The following ENPP2 variants were observed in gnomAD, a reference collection of about 807,000 sequenced individuals.
ENPP2 encodes autotaxin.
A neutral mutation model predicts 120.2 loss-of-function variants in ENPP2; 51 were observed. That is an observed-to-expected ratio of 0.42 (90% confidence interval 0.34 to 0.54). ENPP2 has a LOEUF of 0.54. ENPP2 is among the 20% of genes least tolerant of loss of function. The pLI, the probability that ENPP2 is intolerant of heterozygous loss-of-function variation, is 0.04. For missense variants in ENPP2, 920 were observed against 1,066.5 expected, an observed-to-expected ratio of 0.86 and a Z score of 1.91; for synonymous variants, 365 against 366.4, an observed-to-expected ratio of 1.00 and a Z score of 0.04.
intron 5 of ENPP2, chr8:119,618,247 G>C: frequency 2.0e-6 from 1 of 489,256 alleles, no homozygotes. Flanking sequence ...TTGTTCCGGG[G>C]ATGTGCTTCT....
At chr8:119,669,731 A>G (rs1276718384) in intron 1 of ENPP2, among the ~76,000 whole-genome samples, 3 of 152,196 alleles carry the variant, frequency 2.0e-5, no homozygotes, top group Non-Finnish European at 2.9e-5. Flanking sequence ...TATGTGGTGT[A>G]TCCTGCATTT....
Position 119,568,183 on chromosome 8 carries a change from G to A in ENPP2, c.2123C>T (p.Ala708Val). ...LVTNMVPMYP[A>V]FKRVWNYFQR... ...GTAAATATTGGACTTACGTTTGAAA[G>A]CAGGATACATTGGAACCATATTGGT... is the stretch of plus-strand genomic sequence containing the variant. Residue 708 changes from alanine to valine, a missense_variant, in exon 22 of 25, where the codon GCT becomes GTT. Coordinates refer to ENST00000075322, the MANE Select transcript of ENPP2 (RefSeq NM_001040092.3). 1 of 1,559,164 alleles carries A rather than the reference G, an allele frequency of 6.4e-7. No individual in the cohort carries two copies. The highest frequency in any genetic ancestry group is 8.8e-7 in the Non-Finnish European group (1 of 1,130,928).
chr8:119,670,464 C>T (rs1818208137), intron 1 of ENPP2, among the ~76,000 whole-genome samples: 1 of 152,176 alleles, frequency 6.6e-6, no homozygotes, highest in South Asian at 2.1e-4. Flanking sequence ...CATTGAGCAT[C>T]CCACCTGGGT....
chr8:119,662,046 G>A (rs756903300), intron 1 of ENPP2, among the ~76,000 whole-genome samples: 4 of 152,116 alleles, frequency 2.6e-5, no homozygotes, highest in African/African-American at 4.8e-5. Context: ...GATGGTCAAA[G>A]GGTACAAAGT....
At chr8:119,646,021 C>T (rs887966527) in intron 1 of ENPP2, among the ~76,000 whole-genome samples, 3 of 151,180 alleles carry the variant, frequency 2.0e-5, no homozygotes, top group African/African-American at 7.3e-5. Context: ...CAGGCTGGAG[C>T]GCAATGGCAC....
rs1340875512 is a variant in ENPP2 at position 119,583,878 on chromosome 8, G to A, written c.1456-74C>T. ...AACCCTTCCTCTATTTATGAATACT[G>A]TACAACTTCACTCACACCACCATTA... is the stretch of plus-strand genomic sequence containing the variant. On this transcript the variant is annotated intron_variant, in intron 16 of 24. Transcript: ENST00000075322. The A allele has an allele frequency of 3.7e-6, 5 of 1,367,006 alleles. No individual in the cohort carries two copies. The African/African-American group carries it at 7.2e-5, about 20-fold the overall frequency. 84.7% of individuals were successfully genotyped at this position (1,367,006 alleles called of 1,614,324 possible).
At position 119,583,822 on chromosome 8, in the gene ENPP2, A is replaced by C. The variant is rs779201526; in HGVS notation, c.1456-18T>G. On this transcript the variant is annotated intron_variant, in intron 16 of 24. Coordinates refer to ENST00000075322, the MANE Select transcript of ENPP2 (RefSeq NM_001040092.3). ...AAAACAGTCTTCCAAAAGAAAAGAA[A>C]AACAAAAACAGTTAAGCATTGTTAG... The C allele has an allele frequency of 2.0e-6, 3 of 1,529,100 alleles. No homozygotes were observed. The highest frequency in any genetic ancestry group is 2.8e-5 in the African/African-American group (2 of 72,650). The allele number at this position is 1,529,100 out of a possible 1,614,324, so 94.7% of individuals were successfully genotyped here. A position where few individuals can be genotyped will look rare whatever the true frequency, so the allele number is the denominator to read the frequency against.
intron 9 of ENPP2, among the ~76,000 whole-genome samples, chr8:119,602,940 CT>C: frequency 6.6e-6 from 1 of 152,266 alleles, no homozygotes; most frequent in East Asian, 1.9e-4. Context: ...GTTTCTCTTC[CT>C]CCCCCATCAC....
intron 3 of ENPP2, among the ~76,000 whole-genome samples, chr8:119,622,159 C>T (rs1226141626): frequency 6.6e-6 from 1 of 152,156 alleles, no homozygotes; most frequent in Non-Finnish European, 1.5e-5. Flanking sequence ...AAACTCCTGA[C>T]CTCAGGTGAT....
intron 11 of ENPP2, among the ~76,000 whole-genome samples, chr8:119,599,379 T>C (rs1333421228): frequency 6.6e-6 from 1 of 151,834 alleles, no homozygotes; most frequent in African/African-American, 2.4e-5. Context: ...TACTTAAGTA[T>C]TGTCAAAAAA....
chr8:119,670,764 C>T (rs143391234), intron 1 of ENPP2, among the ~76,000 whole-genome samples: 31 of 152,118 alleles, frequency 2.0e-4, no homozygotes, highest in Admixed American at 2.6e-4. Flanking sequence ...TAGTTTAACA[C>T]GCCTAAATTC....
chr8:119,593,761 C>T lies in ENPP2; in HGVS notation c.1072G>A (p.Gly358Arg), dbSNP rs1366872814. 3 of 1,599,314 alleles carry T rather than the reference C, an allele frequency of 1.9e-6. No individual in the cohort carries two copies. Among genetic ancestry groups the T allele is most frequent in the African/African-American group, 1.3e-5 (1 of 74,592 alleles). The change falls in exon 12 of 25, where the codon GGA becomes AGA. Residue 358 changes from glycine to arginine, a missense_variant. Transcript: ENST00000075322. The stretch of plus-strand genomic sequence containing the variant: ...AAAAACAAAGCTTTACCATGGTCTC[C>T]GACAAAGATGACGTTGACACACCGA... ...LHRCVNVIFVGDHGMEDVTCD... is the reference protein window; with the variant it reads ...LHRCVNVIFVRDHGMEDVTCD...
At position 119,653,600 on chromosome 8, in the gene ENPP2, G is replaced by A. The variant is rs117984201; in HGVS notation, c.22-15073C>T. The stretch of plus-strand genomic sequence containing the variant: ...GTGTGGCTGGAGCAGAGTGAGAGAC[G>A]AGGCAGCAGTAAGAGACAATGTCAA... On this transcript the variant is annotated intron_variant, in intron 1 of 25. Transcript: ENST00000427067. 4.2e-4 allele frequency among the ~76,000 whole-genome samples: 64 copies of A among 152,200 alleles called. No homozygotes were observed. In the East Asian group the frequency reaches 8.9e-3, roughly 21 times the overall value.
intron 2 of ENPP2, among the ~76,000 whole-genome samples, chr8:119,635,805 T>A (rs1330369639): frequency 1.3e-5 from 2 of 152,184 alleles, no homozygotes; most frequent in African/African-American, 4.8e-5. Context: ...TAACAATAAA[T>A]CCAGGTAACA....
chr8:119,568,355 A>G, intron 21 of ENPP2, 103 bp from the exon 22 acceptor site: 1 of 701,840 alleles, frequency 1.4e-6, no homozygotes, highest in East Asian at 2.5e-5. Flanking sequence ...GGTCCAAACA[A>G]CATGAAGTAA....
chr8:119,572,198 A>T (rs998128270), intron 19 of ENPP2: 1 of 1,555,110 alleles, frequency 6.4e-7, no homozygotes, highest in East Asian at 2.4e-5. Flanking sequence ...CAAAATTTCC[A>T]TTAATGTTTT....
intron 2 of ENPP2, among the ~76,000 whole-genome samples, chr8:119,628,447 C>A (rs1351592617): frequency 6.6e-6 from 1 of 152,112 alleles, no homozygotes; most frequent in Admixed American, 6.5e-5. Context: ...CAAAAAATGT[C>A]CATTGTTCAT....
chr8:119,627,031 A>G (rs1183764662), intron 2 of ENPP2, among the ~76,000 whole-genome samples: 2 of 152,324 alleles, frequency 1.3e-5, no homozygotes, highest in East Asian at 3.9e-4. Context: ...TGATTTGTTC[A>G]ATTACTATTT....
rs114128817 is a variant in ENPP2, at chr8:119,564,768, T to C, written c.2264+55A>G. 1,129 of 1,543,338 alleles carry C rather than the reference T, an allele frequency of 7.3e-4. 7 individuals are homozygous for C. The African/African-American group carries it at 0.014, about 19-fold the overall frequency. ...GTATATGAATATTTGAAAAACTTCT[T>C]GAGTGAGATCTTGGGACTTAAAAAT... On this transcript the variant is annotated intron_variant, in intron 23 of 24. Transcript: ENST00000075322.
Sources: gnomAD v4.1 joint callset for allele counts (sites outside exome capture counted in the v4.1 genomes callset) on GRCh38, gnomAD v4.1.1 for gene constraint, MANE v1.5 for transcripts, NCBI Gene and HGNC (gene_info 2026-07-23, HGNC 2026-07-21) for gene names.